Variants in ADAM12 observed in about 807,000 individuals in gnomAD.
The protein encoded by ADAM12 is ADAM metallopeptidase domain 12.
Under a neutral mutation model 106.4 loss-of-function variants are expected in ADAM12, and 70 were observed. The ratio of observed to expected loss-of-function variants is 0.66; its 90% confidence interval spans 0.54 to 0.80. The LOEUF is 0.80. ADAM12 is among the 30% of genes least tolerant of loss of function. The pLI, the probability that ADAM12 is intolerant of heterozygous loss-of-function variation, is 0.00. For synonymous variants in ADAM12, 420 were observed against 433.5 expected, an observed-to-expected ratio of 0.97 and a Z score of 0.39; for missense variants, 1,010 against 1,171.9, an observed-to-expected ratio of 0.86 and a Z score of 2.02.
At chr10:126,336,935 T>C (rs1014774423) in intron 1 of ADAM12, among the ~76,000 whole-genome samples, 1 of 152,184 alleles carries the variant, frequency 6.6e-6, no homozygotes, top group Non-Finnish European at 1.5e-5. Context: ...GCTATTCAGA[T>C]CCTTGGTGAG....
chr10:126,312,730 T>TC (rs1485467354), intron 2 of ADAM12, among the ~76,000 whole-genome samples: 1 of 152,168 alleles, frequency 6.6e-6, no homozygotes, highest in African/African-American at 2.4e-5. Flanking sequence ...ACTTTGCCCT[T>TC]CTTCAGCAGC....
Position 126,154,814 on chromosome 10 carries a change from T to C in ADAM12, c.339+413A>G, listed in dbSNP as rs1296598605. 2.6e-5 allele frequency among the ~76,000 whole-genome samples: 4 copies of C among 152,152 alleles called. 1 individual carries two copies. Among genetic ancestry groups the C allele is most frequent in the African/African-American group, 9.7e-5 (4 of 41,428 alleles). On this transcript the variant is annotated intron_variant, in intron 4 of 22. Transcript: ENST00000448723. ...GAATCGTATCCACATTGTGGATACATTCAGAATAGGTTAAGCAGAATCAGT... is the reference window on the plus strand; with the variant it reads ...GAATCGTATCCACATTGTGGATACACTCAGAATAGGTTAAGCAGAATCAGT...
intron 2 of ADAM12, among the ~76,000 whole-genome samples, chr10:126,297,735 CA>C (rs1960446832): frequency 6.6e-6 from 1 of 152,136 alleles, no homozygotes; most frequent in Non-Finnish European, 1.5e-5. Context: ...TATTTGAAAG[CA>C]ATGTAGCATT....
chr10:126,201,868 C>T (rs577210573), intron 3 of ADAM12, among the ~76,000 whole-genome samples: 25 of 152,308 alleles, frequency 1.6e-4, no homozygotes, highest in African/African-American at 5.8e-4. Context: ...TGGCTCTGAG[C>T]AAGACCTTCT....
intron 3 of ADAM12, among the ~76,000 whole-genome samples, chr10:126,206,996 C>T (rs149911942): frequency 7.6e-4 from 116 of 152,206 alleles, no homozygotes; most frequent in African/African-American, 2.5e-3. Context: ...TCTTTTCTCT[C>T]GTCTGCTGCC....
chr10:126,155,298 T>C lies in ADAM12; in HGVS notation c.268A>G (p.Ile90Val), dbSNP rs1396996796. 1.1e-5 allele frequency: 17 copies of C among 1,614,048 alleles called. No individual in the cohort carries two copies. Among genetic ancestry groups the C allele is most frequent in the Non-Finnish European group, 1.4e-5 (16 of 1,179,950 alleles). ...IINLERNEGL[I>V]ASSFTETHYL... ...TGGGTTTCCGTGAAACTGCTGGCAA[T>C]GAGACCTCTGCGGAAAAACAAAAAC... The change falls in exon 4 of 23, where the codon ATT becomes GTT. Residue 90 changes from isoleucine to valine, a missense_variant. Coordinates refer to ENST00000448723, the MANE Select transcript of ADAM12 (RefSeq NM_001288973.2).
At chr10:126,278,809 T>C (rs1264190275) in intron 3 of ADAM12, 106 bp downstream of exon 3, 4 of 751,980 alleles carry the variant, frequency 5.3e-6, no homozygotes, top group Non-Finnish European at 6.2e-6. Flanking sequence ...TACAAATCCA[T>C]GCATTTCGTT....
intron 3 of ADAM12, among the ~76,000 whole-genome samples, chr10:126,206,025 C>T (rs1273518561): frequency 1.3e-5 from 2 of 152,136 alleles, no homozygotes; most frequent in Non-Finnish European, 2.9e-5. Flanking sequence ...GCCTGCTTAG[C>T]TAGACTTTAT....
At chr10:126,161,004 C>T (rs1434462490) in intron 3 of ADAM12, among the ~76,000 whole-genome samples, 1 of 152,216 alleles carries the variant, frequency 6.6e-6, no homozygotes, top group Non-Finnish European at 1.5e-5. Context: ...AGGGTCCTTT[C>T]CTGATCTCTT....
intron 3 of ADAM12, among the ~76,000 whole-genome samples, chr10:126,155,585 A>T (rs567519041): frequency 6.6e-6 from 1 of 152,060 alleles, no homozygotes; most frequent in Non-Finnish European, 1.5e-5. Flanking sequence ...TCATTCCTTC[A>T]TGCGCACACT....
intron 1 of ADAM12, 109 bp from the exon 2 acceptor site, chr10:126,330,618 C>A: frequency 3.3e-6 from 3 of 922,658 alleles, no homozygotes; most frequent in Non-Finnish European, 3.3e-6. Flanking sequence ...GTTAAATAAG[C>A]CCAGGGAAAC....
At chr10:126,069,601 T>G (rs1954943512) in intron 12 of ADAM12, among the ~76,000 whole-genome samples, 1 of 152,236 alleles carries the variant, frequency 6.6e-6, no homozygotes, top group Non-Finnish European at 1.5e-5. Flanking sequence ...TGACACATTT[T>G]AGGCACTCAA....
intron 8 of ADAM12, among the ~76,000 whole-genome samples, chr10:126,108,330 C>T (rs1955811996): frequency 6.6e-6 from 1 of 152,180 alleles, no homozygotes; most frequent in Non-Finnish European, 1.5e-5. Flanking sequence ...CCAAAACACC[C>T]TCAGACTGGT....
intron 3 of ADAM12, among the ~76,000 whole-genome samples, chr10:126,169,792 A>G (rs1590550399): frequency 6.6e-6 from 1 of 152,186 alleles, no homozygotes; most frequent in East Asian, 1.9e-4. Context: ...AGTTCAGCCG[A>G]CTTATTTGGA....
intron 5 of ADAM12, among the ~76,000 whole-genome samples, chr10:126,122,618 G>A (rs900053091): frequency 2.6e-5 from 4 of 152,072 alleles, no homozygotes; most frequent in Admixed American, 2.6e-4. Flanking sequence ...AAAAGTAGCT[G>A]GGTGTGGTGG....
intron 4 of ADAM12, chr10:126,145,611 T>A (rs950761853): frequency 6.6e-6 from 1 of 152,346 alleles, no homozygotes; most frequent in Non-Finnish European, 1.5e-5. Context: ...AGTCAGACTA[T>A]CTGGGTTTGA....
At chr10:126,193,264 CAAAAAAAAAA>C (rs757716875) in intron 3 of ADAM12, among the ~76,000 whole-genome samples, 30 of 26,628 alleles carry the variant, frequency 1.1e-3, no homozygotes, top group Admixed American at 1.9e-3. Context: ...GACTCCATCT[CAAAAAAAAAA>C]AAAAAAAAAA....
intron 3 of ADAM12, among the ~76,000 whole-genome samples, chr10:126,241,962 CTT>C (rs10901569): frequency 2.1e-4 from 30 of 139,988 alleles, no homozygotes; most frequent in Middle Eastern, 4.0e-3. Context: ...TAAAACAGAG[CTT>C]TTTTTTTTTT....
chr10:126,361,198 A>C (rs891319973), intron 1 of ADAM12, among the ~76,000 whole-genome samples: 12 of 152,244 alleles, frequency 7.9e-5, no homozygotes, highest in Admixed American at 6.5e-4. Flanking sequence ...AATAGCTATA[A>C]AAATTAAACA....
Sources: allele counts gnomAD v4.1 joint callset (sites outside exome capture counted in the v4.1 genomes callset), GRCh38; gene constraint gnomAD v4.1.1; transcripts MANE v1.5; gene names NCBI Gene and HGNC (gene_info 2026-07-23, HGNC 2026-07-21).